SEMA6D: variants seen among roughly 807,000 people sequenced by gnomAD.
SEMA6D encodes semaphorin 6D.
Under a neutral mutation model 106.6 loss-of-function variants are expected in SEMA6D, and 35 were observed. The ratio of observed to expected loss-of-function variants is 0.33; its 90% confidence interval spans 0.25 to 0.44. The LOEUF is 0.44. SEMA6D is among the 20% of genes least tolerant of loss of function. The probability of loss-of-function intolerance (pLI) is 1.00; values close to 1 mark genes in which losing one functional copy is unlikely to be tolerated. For synonymous variants in SEMA6D, 499 were observed against 487.7 expected (o/e 1.02, Z -0.31); for missense variants, 1,185 against 1,345.9 (o/e 0.88, Z 1.87).
chr15:47,507,508 A>G (rs2044089376), intron 3 of SEMA6D, among the ~76,000 whole-genome samples: 1 of 152,156 alleles, frequency 6.6e-6, no homozygotes, highest in East Asian at 1.9e-4. Context: ...CTGCCACTCC[A>G]GTGTTGTTCT....
intron 3 of SEMA6D, among the ~76,000 whole-genome samples, chr15:47,590,886 G>A (rs1339513306): frequency 6.6e-6 from 1 of 152,102 alleles, no homozygotes; most frequent in Non-Finnish European, 1.5e-5. Context: ...TTTTCTTTGT[G>A]AGCCACCCAG....
chr15:47,391,678 A>G (rs2040038645), intron 1 of SEMA6D, among the ~76,000 whole-genome samples: 1 of 140,880 alleles, frequency 7.1e-6, no homozygotes, highest in Non-Finnish European at 1.5e-5. Context: ...TTTTTTTGTA[A>G]GAGGAGTGAA....
At chr15:47,765,184 T>C (rs1179101046) in intron 13 of SEMA6D, 128 bp downstream of exon 13, 1 of 1,443,838 alleles carries the variant, frequency 6.9e-7, no homozygotes, top group African/African-American at 1.4e-5. Context: ...TGTGTTTTTT[T>C]TCTCATTGAA....
intron 3 of SEMA6D, among the ~76,000 whole-genome samples, chr15:47,552,828 TTTTATATA>T (rs1566882537): frequency 2.0e-5 from 1 of 50,334 alleles, no homozygotes; most frequent in African/African-American, 1.7e-4. Context: ...ATATATATAT[TTTTATATA>T]TATATAAATA....
intron 3 of SEMA6D, among the ~76,000 whole-genome samples, chr15:47,543,191 C>T (rs1340241805): frequency 6.6e-6 from 1 of 152,076 alleles, no homozygotes. Context: ...CTTTATGGCT[C>T]ATGATGAAGC....
chr15:47,377,512 G>A lies in SEMA6D; in HGVS notation c.-238-34881G>A, dbSNP rs571517202. Among the ~76,000 whole-genome samples the A allele has an allele frequency of 1.3e-4, 20 of 152,232 alleles. No homozygotes were observed. The South Asian group carries it at 3.9e-3, about 30-fold the overall frequency. Reference sequence around the variant, plus strand: ...TATCAGAGCCCATGAGTCCTTTCAGGGAAGCAGTGAAGGATATGTGGGAAA... The same window carrying A: ...TATCAGAGCCCATGAGTCCTTTCAGAGAAGCAGTGAAGGATATGTGGGAAA... On this transcript the variant is annotated intron_variant, in intron 1 of 19. Coordinates refer to the SEMA6D transcript ENST00000558014.
intron 4 of SEMA6D, chr15:47,605,327 A>G (rs973583650): frequency 3.3e-5 from 5 of 152,342 alleles, no homozygotes; most frequent in African/African-American, 1.2e-4. Context: ...AAGACATGGC[A>G]TCAGATTTCT....
At chr15:47,211,817 G>C (rs2030041878) in intron 1 of SEMA6D, among the ~76,000 whole-genome samples, 3 of 152,046 alleles carry the variant, frequency 2.0e-5, no homozygotes, top group Non-Finnish European at 4.4e-5. Context: ...CCAAGGATTG[G>C]GTTAGATGGT....
chr15:47,300,044 G>A (rs2035960901), intron 1 of SEMA6D, among the ~76,000 whole-genome samples: 1 of 152,158 alleles, frequency 6.6e-6, no homozygotes, highest in African/African-American at 2.4e-5. Flanking sequence ...TATTAGTTGG[G>A]TGTTAGGGAG....
chr15:47,642,051 A>G (rs2077498735), intron 4 of SEMA6D, among the ~76,000 whole-genome samples: 1 of 152,206 alleles, frequency 6.6e-6, no homozygotes, highest in African/African-American at 2.4e-5. Context: ...AATGTTTGCT[A>G]AATGAATTAT....
intron 2 of SEMA6D, among the ~76,000 whole-genome samples, chr15:47,455,231 A>G (rs933930608): frequency 1.1e-4 from 16 of 151,852 alleles, no homozygotes; most frequent in African/African-American, 3.9e-4. Context: ...AAGGCACTGA[A>G]GAAAAATTTA....
At chr15:47,582,669 A>G (rs1331178703) in intron 3 of SEMA6D, among the ~76,000 whole-genome samples, 1 of 152,088 alleles carries the variant, frequency 6.6e-6, no homozygotes, top group Admixed American at 6.6e-5. Flanking sequence ...TCTTGTCTCT[A>G]GAAGACTGGG....
intron 3 of SEMA6D, among the ~76,000 whole-genome samples, chr15:47,505,233 C>G (rs1320790003): frequency 6.6e-6 from 1 of 152,190 alleles, no homozygotes; most frequent in South Asian, 2.1e-4. Flanking sequence ...GAAATGGGCT[C>G]TCTCCTTGCA....
intron 1 of SEMA6D, among the ~76,000 whole-genome samples, chr15:47,361,849 T>C (rs1333219585): frequency 6.6e-6 from 1 of 152,156 alleles, no homozygotes; most frequent in Non-Finnish European, 1.5e-5. Flanking sequence ...GCAGCTCCAC[T>C]GTGTTACTCT....
At chr15:47,427,041 T>C (rs2041363739) in intron 2 of SEMA6D, among the ~76,000 whole-genome samples, 1 of 152,138 alleles carries the variant, frequency 6.6e-6, no homozygotes, top group Admixed American at 6.6e-5. Flanking sequence ...CAAACACCAG[T>C]AGGGTGTTAT....
chr15:47,225,607 A>ATTGC (rs1258655823), intron 1 of SEMA6D, among the ~76,000 whole-genome samples: 6 of 141,400 alleles, frequency 4.2e-5, no homozygotes, highest in African/African-American at 1.6e-4. Flanking sequence ...GGCTCACTGC[A>ATTGC]ACTTCCACCT....
At chr15:47,194,448 C>T (rs34915669) in intron 1 of SEMA6D, among the ~76,000 whole-genome samples, 20,643 of 151,778 alleles carry the variant, frequency 0.14, 1,795 homozygotes, top group South Asian at 0.17. Flanking sequence ...TGGGAAATTG[C>T]GTGTGGGGGC....
Position 47,204,806 on chromosome 15 carries a change from A to G in SEMA6D, c.-239+20388A>G, listed in dbSNP as rs149730195. 3.0e-4 allele frequency among the ~76,000 whole-genome samples: 46 copies of G among 152,292 alleles called. 1 individual carries two copies. Among genetic ancestry groups the G allele is most frequent in the South Asian group, 1.4e-3 (7 of 4,832 alleles). On this transcript the variant is annotated intron_variant, in intron 1 of 19. Coordinates refer to the SEMA6D transcript ENST00000558014. ...ACAGCATATTTTAAGTGCTCAATCA[A>G]TGATGTTTATGGTTGTTTTTAGGGA... is the stretch of plus-strand genomic sequence containing the variant.
At chr15:47,511,332 T>C (rs2044223076) in intron 3 of SEMA6D, among the ~76,000 whole-genome samples, 1 of 152,226 alleles carries the variant, frequency 6.6e-6, no homozygotes, top group South Asian at 2.1e-4. Context: ...TCCAGATTTA[T>C]AGTTTGCAAT....
Sources: allele counts gnomAD v4.1 joint callset (sites outside exome capture counted in the v4.1 genomes callset), GRCh38; gene constraint gnomAD v4.1.1; transcripts MANE v1.5; gene names NCBI Gene and HGNC (gene_info 2026-07-23, HGNC 2026-07-21).